Variants in SNAP25 observed in about 807,000 individuals in gnomAD.
SNAP25 encodes the protein synaptosomal-associated protein 25.
A neutral mutation model predicts 28.7 loss-of-function variants in SNAP25; 3 were observed. That is an observed-to-expected ratio of 0.10 (90% CI 0.05 to 0.27). SNAP25 has a LOEUF of 0.27. Among genes scored for constraint, SNAP25 ranks in the 10% least tolerant of loss-of-function variants. The pLI is 1.00. For synonymous variants in SNAP25, 61 were observed against 88.1 expected (o/e 0.69, Z 1.72); for missense variants, 117 against 278.7 (o/e 0.42, Z 4.13).
intron 1 of SNAP25, among the ~76,000 whole-genome samples, chr20:10,249,890 G>T (rs553727769): frequency 2.0e-5 from 3 of 152,110 alleles, no homozygotes; most frequent in Non-Finnish European, 2.9e-5. Flanking sequence ...TAGACCTAAA[G>T]GTCTACTCTT....
intron 6 of SNAP25, among the ~76,000 whole-genome samples, chr20:10,298,997 G>A (rs1288865971): frequency 6.6e-6 from 1 of 151,832 alleles, no homozygotes; most frequent in Non-Finnish European, 1.5e-5. Flanking sequence ...ACATATGAAG[G>A]GGAAACAACA....
At chr20:10,295,427 T>C (rs568443940) in intron 5 of SNAP25, among the ~76,000 whole-genome samples, 1 of 152,242 alleles carries the variant, frequency 6.6e-6, no homozygotes, top group Non-Finnish European at 1.5e-5. Flanking sequence ...AGCCAGACTC[T>C]AAGCCCTATT....
At chr20:10,297,118 T>C in intron 6 of SNAP25, 68 bp downstream of exon 6, 1 of 1,455,830 alleles carries the variant, frequency 6.9e-7, no homozygotes, top group Non-Finnish European at 9.1e-7. Context: ...CAAAACTGAG[T>C]GGTTTTCTAA....
intron 1 of SNAP25, among the ~76,000 whole-genome samples, chr20:10,238,665 T>C (rs3787297): frequency 0.66 from 100,582 of 151,992 alleles, 36,103 homozygotes; most frequent in Non-Finnish European, 0.79. Context: ...ATCCCAGCAC[T>C]TTGAGAGGCC....
chr20:10,244,546 A>G (rs917142853), intron 1 of SNAP25, among the ~76,000 whole-genome samples: 1 of 152,206 alleles, frequency 6.6e-6, no homozygotes, highest in African/African-American at 2.4e-5. Flanking sequence ...TGGCAGAGCC[A>G]AGATTTGAAT....
intron 1 of SNAP25, among the ~76,000 whole-genome samples, chr20:10,266,050 A>G (rs2063501167): frequency 6.6e-6 from 1 of 152,324 alleles, no homozygotes; most frequent in South Asian, 2.1e-4. Flanking sequence ...TTGACAAATA[A>G]CTATTATTAT....
chr20:10,223,883 A>G (rs1049127018), intron 1 of SNAP25, among the ~76,000 whole-genome samples: 3 of 152,222 alleles, frequency 2.0e-5, no homozygotes, highest in African/African-American at 7.2e-5. Context: ...CCACAGACAC[A>G]TATGTTCAGA....
chr20:10,295,240 A>T (rs2064084459), intron 5 of SNAP25, among the ~76,000 whole-genome samples: 1 of 152,252 alleles, frequency 6.6e-6, no homozygotes. Context: ...GTCTATGTGC[A>T]GCATTGTGGG....
intron 3 of SNAP25, among the ~76,000 whole-genome samples, chr20:10,282,924 T>C (rs1053128767): frequency 2.6e-5 from 4 of 152,220 alleles, no homozygotes; most frequent in Non-Finnish European, 5.9e-5. Context: ...GAAATGTCTT[T>C]TGTAGTCTAG....
At chr20:10,295,724 CTT>C (rs746490928) in intron 5 of SNAP25, among the ~76,000 whole-genome samples, 3 of 152,158 alleles carry the variant, frequency 2.0e-5, no homozygotes, top group Non-Finnish European at 4.4e-5. Context: ...AAGAATGTCT[CTT>C]GTTTTTGGAC....
chr20:10,231,299 G>C (rs1416223988), intron 1 of SNAP25, among the ~76,000 whole-genome samples: 1 of 151,906 alleles, frequency 6.6e-6, no homozygotes, highest in East Asian at 1.9e-4. Context: ...TTTTTTTCCT[G>C]TCCTCCTCTT....
At chr20:10,276,277 C>A (rs1402756910) in intron 2 of SNAP25, among the ~76,000 whole-genome samples, 1 of 151,970 alleles carries the variant, frequency 6.6e-6, no homozygotes, top group African/African-American at 2.4e-5. Context: ...AGAGAGACTC[C>A]CATCTCTAAA....
intron 5 of SNAP25, 92 bp from the exon 6 acceptor site, chr20:10,296,833 C>G: frequency 1.3e-6 from 2 of 1,584,886 alleles, no homozygotes; most frequent in Non-Finnish European, 1.7e-6. Flanking sequence ...AACTCATTCG[C>G]TTGGTTCGAT....
intron 1 of SNAP25, among the ~76,000 whole-genome samples, chr20:10,270,496 C>T (rs566687758): frequency 6.0e-4 from 91 of 152,080 alleles, no homozygotes; most frequent in African/African-American, 2.0e-3. Flanking sequence ...GTGAGGAGTT[C>T]GAGACCAGCC....
At chr20:10,281,554 AGAG>A (rs530986761) in intron 3 of SNAP25, among the ~76,000 whole-genome samples, 62 of 152,310 alleles carry the variant, frequency 4.1e-4, no homozygotes, top group African/African-American at 1.4e-3. Context: ...GTTTTACTGT[AGAG>A]GAACTTGAGG....
At chr20:10,246,967 G>T (rs1568586072) in intron 1 of SNAP25, among the ~76,000 whole-genome samples, 1 of 151,968 alleles carries the variant, frequency 6.6e-6, no homozygotes, top group Non-Finnish European at 1.5e-5. Flanking sequence ...TAGAAAAGGG[G>T]TGATGATCAT....
At position 10,260,722 on chromosome 20, in the gene SNAP25, CAA is replaced by C. The variant is rs1491529463; in HGVS notation, c.-63-14705_-63-14704del. On this transcript the variant is annotated intron_variant, in intron 1 of 7. Transcript: ENST00000254976. The stretch of plus-strand genomic sequence containing the variant: ...ACACACACACACACACACACACACA[CAA>C]ACACACACACACACACATCTGCCTT... Among the ~76,000 whole-genome samples the C allele has an allele frequency of 5.4e-3, 791 of 146,188 alleles. 9 individuals carry two copies. The highest frequency in any genetic ancestry group is 0.019 in the African/African-American group (750 of 38,820).
intron 5 of SNAP25, 145 bp from the exon 6 acceptor site, chr20:10,296,780 T>C (rs1383155956): frequency 4.1e-6 from 5 of 1,222,420 alleles, no homozygotes; most frequent in Non-Finnish European, 5.6e-6. Context: ...ACTGTTTGGG[T>C]CTGGATTATG....
chr20:10,299,522 G>A (rs896173644), intron 7 of SNAP25, 110 bp downstream of exon 7: 31 of 1,052,954 alleles, frequency 2.9e-5, no homozygotes, highest in Admixed American at 2.7e-4. Flanking sequence ...GGATTCAGGC[G>A]CACTGATAGC....
Sources: allele counts gnomAD v4.1 joint callset (sites outside exome capture counted in the v4.1 genomes callset), GRCh38; gene constraint gnomAD v4.1.1; transcripts MANE v1.5; gene names NCBI Gene and HGNC (gene_info 2026-07-23, HGNC 2026-07-21).